Variants in OR2C1 observed in about 807,000 individuals in gnomAD.
The protein encoded by OR2C1 is olfactory receptor 2C1.
For synonymous variants in OR2C1, 209 were observed against 167.3 expected, an observed-to-expected ratio of 1.25 and a Z score of -1.92; for missense variants, 468 against 388.3, an observed-to-expected ratio of 1.21 and a Z score of -1.73.
chr16:3,347,142 G>A, the OR2C1 span, among the ~76,000 whole-genome samples: 119,685 of 149,820 alleles, frequency 0.8, 47,924 homozygotes, highest in East Asian at 0.92. Flanking sequence ...AGCTGCTCAG[G>A]AGGCTGAGGC....
upstream of OR2C1, among the ~76,000 whole-genome samples, chr16:3,353,506 A>C (rs200721085): frequency 2.1e-4 from 32 of 149,952 alleles, no homozygotes; most frequent in East Asian, 6.3e-3. Flanking sequence ...AAAAAAAAAA[A>C]AAAGAATAAG....
chr16:3,333,032 C>T, the OR2C1 span, among the ~76,000 whole-genome samples: 1 of 151,968 alleles, frequency 6.6e-6, no homozygotes, highest in South Asian at 2.1e-4. Context: ...ACATCCTCGC[C>T]AGCAGCTGTT....
the OR2C1 span, among the ~76,000 whole-genome samples, chr16:3,330,885 G>T: frequency 6.6e-6 from 1 of 152,006 alleles, no homozygotes; most frequent in African/African-American, 2.4e-5. Context: ...AGGACTACAG[G>T]TGTGCACCAC....
At chr16:3,333,718 CATTT>C in the OR2C1 span, among the ~76,000 whole-genome samples, 1 of 152,144 alleles carries the variant, frequency 6.6e-6, no homozygotes, top group East Asian at 1.9e-4. Context: ...GGATGTAATT[CATTT>C]GTCTTGTTGC....
upstream of OR2C1, among the ~76,000 whole-genome samples, chr16:3,354,497 A>G (rs2030627789): frequency 6.6e-6 from 1 of 152,164 alleles, no homozygotes; most frequent in African/African-American, 2.4e-5. Context: ...TGTTTGCTCT[A>G]CATTGACCTC....
the OR2C1 span, among the ~76,000 whole-genome samples, chr16:3,325,504 T>TACAC: frequency 1.6e-5 from 2 of 124,586 alleles, no homozygotes; most frequent in African/African-American, 6.1e-5. Context: ...TATATATATA[T>TACAC]ACACTTTAAA....
chr16:3,345,246 A>C, the OR2C1 span, among the ~76,000 whole-genome samples: 1 of 152,038 alleles, frequency 6.6e-6, no homozygotes, highest in African/African-American at 2.4e-5. Context: ...AGGTGGGCAG[A>C]TCATGAGGTC....
chr16:3,323,387 A>G, the OR2C1 span: 2 of 890,928 alleles, frequency 2.2e-6, no homozygotes. Context: ...AATGACACCA[A>G]ACTTCCCCAG....
upstream of OR2C1, chr16:3,355,766 TGA>T (rs2030656021): frequency 1.7e-6 from 1 of 597,648 alleles, no homozygotes; most frequent in Admixed American, 3.1e-5. Flanking sequence ...TGGGTGACAG[TGA>T]GAGACTCTGT....
At chr16:3,344,093 C>T in the OR2C1 span, among the ~76,000 whole-genome samples, 1 of 151,994 alleles carries the variant, frequency 6.6e-6, no homozygotes, top group Admixed American at 6.6e-5. Flanking sequence ...TGGTGGCGTG[C>T]ACCTGTAATT....
At chr16:3,338,843 CT>C in the OR2C1 span, among the ~76,000 whole-genome samples, 1 of 152,040 alleles carries the variant, frequency 6.6e-6, no homozygotes, top group African/African-American at 2.4e-5. Flanking sequence ...GCCTAGGCAA[CT>C]TTTTAAATAA....
At chr16:3,344,483 T>G in the OR2C1 span, among the ~76,000 whole-genome samples, 1 of 152,068 alleles carries the variant, frequency 6.6e-6, no homozygotes, top group Non-Finnish European at 1.5e-5. Context: ...ATCCCAGCAC[T>G]TTGGGAGGCC....
Position 3,356,120 on chromosome 16 carries a change from C to T in OR2C1, c.180C>T (p.Tyr60=). The change falls in exon 1 of 1, where the codon TAC becomes TAT. Residue 60 remains tyrosine (Y), a synonymous_variant. Transcript: ENST00000304936. Reference sequence around the variant, plus strand: ...AGGCCCGGCTCCATACACCCATGTACTTCTTCCTCAGCAACCTCTCCTCCT... The same window carrying T: ...AGGCCCGGCTCCATACACCCATGTATTTCTTCCTCAGCAACCTCTCCTCCT... ...RLEARLHTPM[Y]FFLSNLSSLD... 1 of 1,614,240 alleles carries T rather than the reference C, an allele frequency of 6.2e-7. No homozygotes were observed. The highest frequency in any genetic ancestry group is 8.5e-7 in the Non-Finnish European group (1 of 1,180,046).
chr16:3,336,674 C>T, the OR2C1 span, among the ~76,000 whole-genome samples: 34 of 116,244 alleles, frequency 2.9e-4, no homozygotes, highest in South Asian at 2.0e-3. Context: ...GTTTCTTTTT[C>T]TTTTTTTTTT....
chr16:3,352,603 C>T (rs2150850797), upstream of OR2C1, among the ~76,000 whole-genome samples: 1 of 152,004 alleles, frequency 6.6e-6, no homozygotes, highest in Non-Finnish European at 1.5e-5. Context: ...ATTCAAACTC[C>T]CCCATTTCTA....
At chr16:3,338,261 C>T in the OR2C1 span, among the ~76,000 whole-genome samples, 39 of 152,304 alleles carry the variant, frequency 2.6e-4, no homozygotes, top group African/African-American at 8.7e-4. Flanking sequence ...CTCTTTGACT[C>T]TGACATTTCT....
the OR2C1 span, among the ~76,000 whole-genome samples, chr16:3,326,977 C>T: frequency 6.6e-6 from 1 of 152,076 alleles, no homozygotes. Flanking sequence ...CTATACATTC[C>T]CTTTATTGTT....
chr16:3,332,534 T>A, the OR2C1 span, among the ~76,000 whole-genome samples: 1 of 152,122 alleles, frequency 6.6e-6, no homozygotes, highest in South Asian at 2.1e-4. Context: ...TTCCTGGCCT[T>A]TGCTAACCTT....
chr16:3,324,938 A>C, the OR2C1 span, among the ~76,000 whole-genome samples: 1 of 152,102 alleles, frequency 6.6e-6, no homozygotes, highest in African/African-American at 2.4e-5. Context: ...TTATATTTAC[A>C]CTGTACTGTA....
Sources: allele counts gnomAD v4.1 joint callset (sites outside exome capture counted in the v4.1 genomes callset), GRCh38; gene constraint gnomAD v4.1.1; transcripts MANE v1.5; gene names NCBI Gene and HGNC (gene_info 2026-07-23, HGNC 2026-07-21).